BMS1: variants seen among roughly 807,000 people sequenced by gnomAD.
BMS1 encodes BMS1 ribosome biogenesis factor, also known as ribosome biogenesis protein BMS1 homolog.
In BMS1, 53 loss-of-function variants were observed where a neutral mutation model predicts 138.7. The ratio of observed to expected loss-of-function variants is 0.38; its 90% CI spans 0.31 to 0.48. BMS1 has a LOEUF of 0.48. Among genes scored for constraint, BMS1 ranks in the 20% least tolerant of loss-of-function variants. The probability of loss-of-function intolerance (pLI) is 0.97; values close to 1 mark genes in which losing one functional copy is unlikely to be tolerated. For missense variants in BMS1, 1,360 were observed against 1,565.5 expected (o/e 0.87, Z 2.22); for synonymous variants, 504 against 539.9 (o/e 0.93, Z 0.92).
chr10:42,821,734 G>C (rs1395602376), intron 18 of BMS1, among the ~76,000 whole-genome samples: 1 of 151,770 alleles, frequency 6.6e-6, no homozygotes, highest in Non-Finnish European at 1.5e-5. Flanking sequence ...TGTATTTTTA[G>C]TAGAGATGGG....
At chr10:42,802,065 ACTG>A in intron 12 of BMS1, 69 bp from the exon 13 acceptor site, 6 of 1,181,570 alleles carry the variant, frequency 5.1e-6, no homozygotes, top group Non-Finnish European at 7.4e-6. Flanking sequence ...GTTGTCACCT[ACTG>A]CCATTTCTTA....
intron 15 of BMS1, 63 bp from the exon 16 acceptor site, chr10:42,820,173 T>C: frequency 6.4e-7 from 1 of 1,573,738 alleles, no homozygotes; most frequent in Non-Finnish European, 8.6e-7. Flanking sequence ...CATTTGTTCA[T>C]GTTAATCTTA....
In BMS1 at chr10:42,797,135, C is replaced by T. The variant is rs775903705; in HGVS notation, c.1891C>T (p.Pro631Ser). Residue 631 changes from proline (P) to serine (S), a missense_variant, in exon 10 of 23, where the codon CCA (proline) becomes TCA (serine). By Grantham distance (74) the Pro-to-Ser change is moderately conservative. Transcript: ENST00000374518. Reference sequence around the variant, plus strand: ...AGTGAGCAGTGGTCAGAAACTGGGGCCACAGAACTTCATTGATGAGACCAG... The same window carrying T: ...AGTGAGCAGTGGTCAGAAACTGGGGTCACAGAACTTCATTGATGAGACCAG... Reference protein sequence around the residue: ...SQVSSGQKLGPQNFIDETSDI... With the variant: ...SQVSSGQKLGSQNFIDETSDI... 3.7e-6 allele frequency: 6 copies of T among 1,614,004 alleles called. No individual in the cohort carries two copies. In the African/African-American group the frequency reaches 5.3e-5, roughly 14 times the overall value.
At position 42,820,513 on chromosome 10, in the gene BMS1, T is replaced by C; in HGVS notation, c.2775T>C (p.Arg925=). ...TTACCCTCTCGTCCCCTCAGATGCGTCTGAAGAAACATCGCTGGTATAAGA... is the reference window on the plus strand; with the variant it reads ...TTACCCTCTCGTCCCCTCAGATGCGCCTGAAGAAACATCGCTGGTATAAGA... ...SEGNVGYVQM[R]LKKHRWYKKI... Residue 925 remains arginine (R), a synonymous_variant, in exon 17 of 23, where the codon CGT becomes CGC. Transcript: ENST00000374518. 1 of 1,610,704 alleles carries C rather than the reference T, an allele frequency of 6.2e-7. No individual in the cohort carries two copies. Among genetic ancestry groups the C allele is most frequent in the Non-Finnish European group, 8.5e-7 (1 of 1,179,324 alleles).
Position 42,833,388 on chromosome 10 carries a change from A to C in BMS1, c.*2292A>C, listed in dbSNP as rs1564437193. The stretch of plus-strand genomic sequence containing the variant: ...AGTCACACATCAGTTAAGGATGGGG[A>C]TATATTCTGAGAAATGTATCATTAG... On this transcript the variant is annotated 3_prime_UTR_variant, in exon 23 of 23. Transcript: ENST00000374518. 6.6e-6 allele frequency: 1 copy of C among 152,244 alleles called. No homozygotes were observed. Among genetic ancestry groups the C allele is most frequent in the Non-Finnish European group, 1.5e-5 (1 of 68,046 alleles). The allele number at this position is 152,244 out of a possible 1,614,324, so 9.4% of individuals were successfully genotyped here.
intron 13 of BMS1, among the ~76,000 whole-genome samples, chr10:42,805,169 A>G (rs1282209430): frequency 6.6e-6 from 1 of 152,166 alleles, no homozygotes; most frequent in Admixed American, 6.5e-5. Context: ...AATTTTTTAT[A>G]GAGTGTTGGG....
At chr10:42,808,860 T>C (rs1842088408) in intron 13 of BMS1, among the ~76,000 whole-genome samples, 1 of 152,226 alleles carries the variant, frequency 6.6e-6, no homozygotes, top group South Asian at 2.1e-4. Flanking sequence ...TGACTTCACA[T>C]GTCAATCCCT....
chr10:42,798,486 A>G lies in BMS1; in HGVS notation c.2108A>G (p.Glu703Gly). 2 of 1,614,208 alleles carry G rather than the reference A, an allele frequency of 1.2e-6. No homozygotes were observed. Among genetic ancestry groups the G allele is most frequent in the Non-Finnish European group, 1.7e-6 (2 of 1,180,036 alleles). Reference sequence around the variant, plus strand: ...TCTTTAGTGACAGAAGATAATGAAGAAGAAGATGATGATACTCTAGAAGAG... The same window carrying G: ...TCTTTAGTGACAGAAGATAATGAAGGAGAAGATGATGATACTCTAGAAGAG... Reference protein sequence around the residue: ...IYGTVTEDNEEEDDDTLEELG... With the variant: ...IYGTVTEDNEGEDDDTLEELG... The change falls in exon 12 of 23, where the codon GAA becomes GGA. Residue 703 changes from glutamate (E) to glycine (G), a missense_variant. Glu to Gly is a moderately conservative substitution (Grantham distance 98). This residue lies in a region of BMS1 where 697 missense variants were observed against 686.2 expected (regional missense o/e 1.02). Coordinates refer to ENST00000374518, the MANE Select transcript of BMS1 (RefSeq NM_014753.4).
chr10:42,826,007 T>A (rs1000004809), intron 21 of BMS1, among the ~76,000 whole-genome samples: 1 of 152,252 alleles, frequency 6.6e-6, no homozygotes, highest in African/African-American at 2.4e-5. Flanking sequence ...ATGCTTTTTC[T>A]GCATCAATTG....
chr10:42,794,884 G>C (rs1287777333), intron 9 of BMS1, among the ~76,000 whole-genome samples: 1 of 151,752 alleles, frequency 6.6e-6, no homozygotes, highest in Admixed American at 6.6e-5. Flanking sequence ...TCTAGCATTA[G>C]GTATATCTCC....
chr10:42,822,783 T>TA (rs1842537744), intron 19 of BMS1, among the ~76,000 whole-genome samples: 1 of 152,126 alleles, frequency 6.6e-6, no homozygotes, highest in Non-Finnish European at 1.5e-5. Context: ...TGCACCTGAG[T>TA]AAAAGCATCT....
intron 13 of BMS1, among the ~76,000 whole-genome samples, chr10:42,804,645 G>A (rs944805827): frequency 7.2e-5 from 11 of 151,956 alleles, no homozygotes; most frequent in Middle Eastern, 3.2e-3. Context: ...TTTGCCTAGC[G>A]TGTGCCTTGT....
chr10:42,820,542 T>C lies in BMS1; in HGVS notation c.2804T>C (p.Ile935Thr). ...AAGAAACATCGCTGGTATAAGAAAATCCTCAAGTCCCGAGATCCAATCATA... is the reference window on the plus strand; with the variant it reads ...AAGAAACATCGCTGGTATAAGAAAACCCTCAAGTCCCGAGATCCAATCATA... ...RLKKHRWYKKILKSRDPIIFS... is the reference protein window; with the variant it reads ...RLKKHRWYKKTLKSRDPIIFS... Residue 935 changes from isoleucine (I) to threonine (T), a missense_variant, in exon 17 of 23, where the codon ATC becomes ACC. Ile to Thr is a moderately conservative substitution (Grantham distance 89). Around this residue, in one of 3 missense-constraint regions of BMS1, gnomAD observed 425 missense variants for 568.3 expected, o/e 0.75. Coordinates refer to ENST00000374518, the MANE Select transcript of BMS1 (RefSeq NM_014753.4). The C allele has an allele frequency of 6.2e-7, 1 of 1,610,692 alleles. No individual in the cohort carries two copies. The highest frequency in any genetic ancestry group is 8.5e-7 in the Non-Finnish European group (1 of 1,179,490).
intron 21 of BMS1, among the ~76,000 whole-genome samples, chr10:42,824,614 G>C (rs1002397866): frequency 1.7e-4 from 26 of 152,192 alleles, no homozygotes; most frequent in African/African-American, 5.1e-4. Context: ...TATGGTTTCA[G>C]GTCTTATTTG....
chr10:42,833,100 T>C lies in BMS1; in HGVS notation c.*2004T>C, dbSNP rs1354676910. The C allele has an allele frequency of 3.9e-5, 6 of 152,078 alleles. No individual in the cohort carries two copies. Among genetic ancestry groups the C allele is most frequent in the Admixed American group, 2.6e-4 (4 of 15,264 alleles). 9.4% of individuals were successfully genotyped at this position (152,078 alleles called of 1,614,324 possible). A position where few individuals can be genotyped will look rare whatever the true frequency, so the allele number is the denominator to read the frequency against. The stretch of plus-strand genomic sequence containing the variant: ...CCAGAAGAGTGGAATCCTTTAGCAA[T>C]GGGGGAAATAAAAGAATGTTTAATT... On this transcript the variant is annotated 3_prime_UTR_variant, in exon 23 of 23. Coordinates refer to ENST00000374518, the MANE Select transcript of BMS1 (RefSeq NM_014753.4).
rs760942942 is a variant in BMS1 at position 42,796,778 on chromosome 10, T to C, written c.1534T>C (p.Ser512Pro). 1.2e-6 allele frequency: 2 copies of C among 1,614,010 alleles called. No individual in the cohort carries two copies. Among genetic ancestry groups the C allele is most frequent in the Non-Finnish European group, 8.5e-7 (1 of 1,180,040 alleles). The change falls in exon 10 of 23, where the codon TCA becomes CCA. Residue 512 changes from serine (S) to proline (P), a missense_variant. By Grantham distance (74) the Ser-to-Pro change is moderately conservative. Coordinates refer to ENST00000374518, the MANE Select transcript of BMS1 (RefSeq NM_014753.4). ...CAGTGACGATGACCTTGAGAGGAGC[T>C]CAGCGGAAGAAGGGGAAGCGGAGGA... Reference protein sequence around the residue: ...ADSDDDLERSSAEEGEAEEAD... With the variant: ...ADSDDDLERSPAEEGEAEEAD...
intron 12 of BMS1, among the ~76,000 whole-genome samples, chr10:42,801,129 C>G (rs760424039): frequency 6.6e-6 from 1 of 152,182 alleles, no homozygotes; most frequent in African/African-American, 2.4e-5. Flanking sequence ...GGTATTTCAA[C>G]GTGACAGCCT....
At position 42,797,541 on chromosome 10, in the gene BMS1, A is replaced by G; in HGVS notation, c.2089+18A>G. 1.9e-6 allele frequency: 3 copies of G among 1,607,920 alleles called. No homozygotes were observed. Among genetic ancestry groups the G allele is most frequent in the Non-Finnish European group, 2.6e-6 (3 of 1,174,504 alleles). On this transcript the variant is annotated intron_variant, in intron 11 of 22. Coordinates refer to ENST00000374518, the MANE Select transcript of BMS1 (RefSeq NM_014753.4). Reference sequence around the variant, plus strand: ...TGGGACAGGTAAAGAATTCTGGTTCAGAACTAGAAATGTTTTAGTTTCTCT... The same window carrying G: ...TGGGACAGGTAAAGAATTCTGGTTCGGAACTAGAAATGTTTTAGTTTCTCT...
chr10:42,785,329 T>C (rs1288318762), intron 2 of BMS1, among the ~76,000 whole-genome samples, 153 bp from the exon 3 acceptor site: 1 of 152,212 alleles, frequency 6.6e-6, no homozygotes, highest in Non-Finnish European at 1.5e-5. Flanking sequence ...GTTAATTATA[T>C]TTATATATTG....
Sources: allele counts gnomAD v4.1 joint callset (sites outside exome capture counted in the v4.1 genomes callset), GRCh38; gene constraint gnomAD v4.1.1; regional missense constraint gnomAD v4.1.1; transcripts MANE v1.5; gene names NCBI Gene and HGNC (gene_info 2026-07-23, HGNC 2026-07-21).